VNN1: variants seen among roughly 807,000 people sequenced by gnomAD.
VNN1 encodes vanin 1.
A neutral mutation model predicts 41.9 loss-of-function variants in VNN1; 29 were observed. The observed-to-expected ratio is 0.69, with a 90% CI of 0.52 to 0.94. The LOEUF (loss-of-function observed/expected upper bound fraction) is 0.94, where lower values mean the gene tolerates loss of function less well. Among genes scored for constraint, VNN1 ranks in the 40% least tolerant of loss-of-function variants. VNN1 has a pLI of 0.00. For missense variants in VNN1, 637 were observed against 621.1 expected, an observed-to-expected ratio of 1.03 and a Z score of -0.27; for synonymous variants, 233 against 224.4, an observed-to-expected ratio of 1.04 and a Z score of -0.34.
chr6:132,683,707 C>T (rs911896947), intron 6 of VNN1, among the ~76,000 whole-genome samples: 1 of 152,160 alleles, frequency 6.6e-6, no homozygotes, highest in African/African-American at 2.4e-5. Flanking sequence ...CATCTCCTGT[C>T]TCTTGCTCAC....
At chr6:132,685,359 G>A (rs937129662) in intron 5 of VNN1, among the ~76,000 whole-genome samples, 7 of 152,194 alleles carry the variant, frequency 4.6e-5, no homozygotes, top group South Asian at 4.1e-4. Flanking sequence ...AGCAGCAGCC[G>A]CTAACTGGTC....
intron 2 of VNN1, among the ~76,000 whole-genome samples, chr6:132,709,959 G>T (rs867689604): frequency 1.2e-4 from 19 of 152,290 alleles, no homozygotes; most frequent in Middle Eastern, 3.4e-3. Context: ...AATAAGAATA[G>T]AGTAAATGAT....
intron 5 of VNN1, among the ~76,000 whole-genome samples, chr6:132,690,075 A>G (rs1778260494): frequency 6.6e-6 from 1 of 152,164 alleles, no homozygotes; most frequent in Admixed American, 6.5e-5. Context: ...CCCTGCTTTT[A>G]TTCCAACAAA....
intron 2 of VNN1, among the ~76,000 whole-genome samples, chr6:132,709,289 G>C (rs1324227115): frequency 6.6e-6 from 1 of 152,020 alleles, no homozygotes. Context: ...AATTTCAAGG[G>C]GACAGGAATT....
intron 2 of VNN1, among the ~76,000 whole-genome samples, chr6:132,711,173 G>A (rs965768041): frequency 6.6e-6 from 1 of 152,112 alleles, no homozygotes. Flanking sequence ...ATTTTCTTAG[G>A]TGTATAAGAT....
chr6:132,695,926 C>A (rs1778363920), intron 2 of VNN1, among the ~76,000 whole-genome samples: 2 of 151,968 alleles, frequency 1.3e-5, no homozygotes, highest in South Asian at 4.1e-4. Context: ...GTCTAGTTAT[C>A]AACCAAAAAA....
At chr6:132,713,519 C>T in intron 1 of VNN1, among the ~76,000 whole-genome samples, 1 of 152,206 alleles carries the variant, frequency 6.6e-6, no homozygotes, top group South Asian at 2.1e-4. Context: ...ACCCATTTAT[C>T]CTCCATCCTC....
At position 132,681,601 on chromosome 6, in the gene VNN1, T is replaced by C. The variant is rs1213724358; in HGVS notation, c.*1539A>G. ...AGAAACACTTAGGATGTTTTTGAAGTTTTTAATAATTCAAGCCTATCACCA... is the reference window on the plus strand; with the variant it reads ...AGAAACACTTAGGATGTTTTTGAAGCTTTTAATAATTCAAGCCTATCACCA... On this transcript the variant is annotated 3_prime_UTR_variant, in exon 7 of 7. Coordinates refer to ENST00000367928, the MANE Select transcript of VNN1 (RefSeq NM_004666.3). 6.6e-6 allele frequency: 1 copy of C among 152,452 alleles called. No homozygotes were observed. Among genetic ancestry groups the C allele is most frequent in the Non-Finnish European group, 1.5e-5 (1 of 68,038 alleles). 9.4% of individuals were successfully genotyped at this position (152,452 alleles called of 1,614,324 possible). A position where few individuals can be genotyped will look rare whatever the true frequency, so the allele number is the denominator to read the frequency against.
intron 2 of VNN1, among the ~76,000 whole-genome samples, 172 bp from the exon 3 acceptor site, chr6:132,694,354 A>G (rs1385905197): frequency 2.0e-5 from 3 of 152,362 alleles, no homozygotes; most frequent in South Asian, 2.1e-4. Context: ...GAGGAAGCCC[A>G]TGCTTGAGTA....
In VNN1 at chr6:132,681,590, T is replaced by A. The variant is rs926671843; in HGVS notation, c.*1550A>T. ...TTGAGCAAAAAAGAAACACTTAGGA[T>A]GTTTTTGAAGTTTTTAATAATTCAA... On this transcript the variant is annotated 3_prime_UTR_variant, in exon 7 of 7. Transcript: ENST00000367928. 1 of 152,418 alleles carries A rather than the reference T, an allele frequency of 6.6e-6. No individual in the cohort carries two copies. The highest frequency in any genetic ancestry group is 6.5e-5 in the Admixed American group (1 of 15,284). The allele number at this position is 152,418 out of a possible 1,614,324, so 9.4% of individuals were successfully genotyped here. A position where few individuals can be genotyped will look rare whatever the true frequency, so the allele number is the denominator to read the frequency against.
chr6:132,681,425 G>T lies in VNN1; in HGVS notation c.*1715C>A, dbSNP rs1778119086. ...TTAACTACAACTTTCCAAAGGCCCT[G>T]ATCCAGAACAACTCCACTAAGCCAG... On this transcript the variant is annotated 3_prime_UTR_variant, in exon 7 of 7. Coordinates refer to ENST00000367928, the MANE Select transcript of VNN1 (RefSeq NM_004666.3). 6.6e-6 allele frequency among the ~76,000 whole-genome samples: 1 copy of T among 152,132 alleles called. No homozygotes were observed. The highest frequency in any genetic ancestry group is 6.6e-5 in the Admixed American group (1 of 15,262).
In VNN1 at chr6:132,707,556, C is replaced by T. The variant is rs149985661; in HGVS notation, c.341+4153G>A. 4.5e-3 allele frequency among the ~76,000 whole-genome samples: 686 copies of T among 152,240 alleles called. 3 individuals carry two copies. Among genetic ancestry groups the T allele is most frequent in the Middle Eastern group, 0.01 (3 of 294 alleles). ...TGGAAACAACCGTGTGGTACATGTACACAATAAAGTACTATTCAGCTACAA... is the reference window on the plus strand; with the variant it reads ...TGGAAACAACCGTGTGGTACATGTATACAATAAAGTACTATTCAGCTACAA... On this transcript the variant is annotated intron_variant, in intron 2 of 6. Coordinates refer to ENST00000367928, the MANE Select transcript of VNN1 (RefSeq NM_004666.3).
At chr6:132,702,656 TC>T (rs1317291537) in intron 2 of VNN1, among the ~76,000 whole-genome samples, 2 of 152,188 alleles carry the variant, frequency 1.3e-5, no homozygotes, top group Non-Finnish European at 2.9e-5. Context: ...GAGGACTTTG[TC>T]TTGCAACTTG....
chr6:132,703,724 A>G (rs1778479244), intron 2 of VNN1, among the ~76,000 whole-genome samples: 1 of 152,192 alleles, frequency 6.6e-6, no homozygotes, highest in African/African-American at 2.4e-5. Context: ...TTGAATGTAA[A>G]TGGTCTAAAC....
At chr6:132,702,392 C>T (rs73544884) in intron 2 of VNN1, among the ~76,000 whole-genome samples, 2,902 of 152,230 alleles carry the variant, frequency 0.019, 101 homozygotes, top group African/African-American at 0.066. Flanking sequence ...AATTGTCTTC[C>T]ACAAAACCAG....
In VNN1 at chr6:132,682,100, C is replaced by T. The variant is rs960726097; in HGVS notation, c.*1040G>A. The T allele has an allele frequency of 6.6e-5, 10 of 152,190 alleles. No homozygotes were observed. Among genetic ancestry groups the T allele is most frequent in the Non-Finnish European group, 1.3e-4 (9 of 68,042 alleles). The allele number at this position is 152,190 out of a possible 1,614,324, so 9.4% of individuals were successfully genotyped here. A position where few individuals can be genotyped will look rare whatever the true frequency, so the allele number is the denominator to read the frequency against. On this transcript the variant is annotated 3_prime_UTR_variant, in exon 7 of 7. Transcript: ENST00000367928. ...TGTTACTAAAATAGAACACACAATGCTATATTAAATATCTAATTTCTTAAA... is the reference window on the plus strand; with the variant it reads ...TGTTACTAAAATAGAACACACAATGTTATATTAAATATCTAATTTCTTAAA...
At chr6:132,705,295 T>C (rs1191953380) in intron 2 of VNN1, among the ~76,000 whole-genome samples, 1 of 152,052 alleles carries the variant, frequency 6.6e-6, no homozygotes, top group Non-Finnish European at 1.5e-5. Flanking sequence ...GCAAACCAAA[T>C]GCAACGACAC....
chr6:132,685,903 T>C (rs539390583), intron 5 of VNN1, among the ~76,000 whole-genome samples: 4 of 152,176 alleles, frequency 2.6e-5, no homozygotes, highest in Non-Finnish European at 5.9e-5. Flanking sequence ...TTGAAGGGGA[T>C]TACCTGAATA....
chr6:132,711,934 C>A, intron 1 of VNN1, 95 bp from the exon 2 acceptor site: 2 of 1,197,410 alleles, frequency 1.7e-6, no homozygotes, highest in Non-Finnish European at 2.2e-6. Flanking sequence ...CCCCCACACC[C>A]CTTAAATCTT....
Sources: allele counts gnomAD v4.1 joint callset (sites outside exome capture counted in the v4.1 genomes callset), GRCh38; gene constraint gnomAD v4.1.1; transcripts MANE v1.5; gene names NCBI Gene and HGNC (gene_info 2026-07-23, HGNC 2026-07-21).